The following CLPB variants were observed in gnomAD, a reference collection of about 807,000 sequenced individuals.
The protein encoded by CLPB is mitochondrial disaggregase.
Under a neutral mutation model 78.4 loss-of-function variants are expected in CLPB, and 40 were observed. The ratio of observed to expected loss-of-function variants is 0.51; its 90% CI spans 0.40 to 0.66. CLPB has a LOEUF of 0.66. Ranked by LOEUF, CLPB falls within the 30% of genes least tolerant of loss-of-function variation. The pLI is 0.00. For synonymous variants in CLPB, 333 were observed against 348.0 expected, an observed-to-expected ratio of 0.96 and a Z score of 0.48; for missense variants, 780 against 886.9, an observed-to-expected ratio of 0.88 and a Z score of 1.53.
chr11:72,344,942 C>G (rs527383768), intron 5 of CLPB, among the ~76,000 whole-genome samples: 1 of 152,206 alleles, frequency 6.6e-6, no homozygotes, highest in East Asian at 1.9e-4. Context: ...TGTTCAAGTT[C>G]ACTTATAATA....
In CLPB at chr11:72,432,060, C is replaced by T. The variant is rs750005305; in HGVS notation, c.404-1697G>A. ...CTCTCCACTGCCTACAGAAGAAATT[C>T]CAACACCCTCACCTACCCCACCCCT... is the stretch of plus-strand genomic sequence containing the variant. On this transcript the variant is annotated intron_variant, in intron 1 of 15. Transcript: ENST00000538039. Among the ~76,000 whole-genome samples, 6 of 152,152 alleles carry T rather than the reference C, an allele frequency of 3.9e-5. 1 individual carries two copies. Among genetic ancestry groups the T allele is most frequent in the Non-Finnish European group, 8.8e-5 (6 of 68,034 alleles).
intron 4 of CLPB, among the ~76,000 whole-genome samples, chr11:72,370,349 A>G (rs1951020113): frequency 6.6e-6 from 1 of 152,160 alleles, no homozygotes; most frequent in Admixed American, 6.5e-5. Flanking sequence ...TGGAGGGCTA[A>G]AAGGATGGAA....
intron 5 of CLPB, among the ~76,000 whole-genome samples, chr11:72,343,537 A>G (rs1950458968): frequency 6.6e-6 from 1 of 152,170 alleles, no homozygotes; most frequent in Non-Finnish European, 1.5e-5. Context: ...CAGTTTATGC[A>G]CCTTCTTTTA....
At chr11:72,351,602 G>C (rs921540519) in intron 5 of CLPB, 2 of 151,998 alleles carry the variant, frequency 1.3e-5, no homozygotes, top group African/African-American at 4.8e-5. Context: ...TCGGAGTTTT[G>C]ATCTTCTCGC....
At chr11:72,357,795 G>C (rs1490427682) in intron 5 of CLPB, among the ~76,000 whole-genome samples, 1 of 151,874 alleles carries the variant, frequency 6.6e-6, no homozygotes, top group Non-Finnish European at 1.5e-5. Flanking sequence ...CTAGCCAGCT[G>C]TTGGAGAGGG....
chr11:72,392,163 C>G (rs1855273004), intron 3 of CLPB, among the ~76,000 whole-genome samples: 1 of 152,062 alleles, frequency 6.6e-6, no homozygotes, highest in Non-Finnish European at 1.5e-5. Context: ...CAATGTTGAG[C>G]TTCAGAAGAA....
intron 4 of CLPB, among the ~76,000 whole-genome samples, chr11:72,360,341 C>A (rs1036069013): frequency 6.6e-6 from 1 of 152,160 alleles, no homozygotes; most frequent in African/African-American, 2.4e-5. Flanking sequence ...ATTCCTAAAC[C>A]ATTCTTTTTC....
chr11:72,408,146 C>G, intron 2 of CLPB: 4 of 1,535,558 alleles, frequency 2.6e-6, no homozygotes, highest in Non-Finnish European at 3.5e-6. Flanking sequence ...CAGTGAGACT[C>G]CAGCATTCAG....
intron 5 of CLPB, among the ~76,000 whole-genome samples, chr11:72,355,541 G>A (rs1045926576): frequency 1.5e-4 from 23 of 152,344 alleles, no homozygotes; most frequent in Middle Eastern, 3.4e-3. Context: ...TGCTATCCTT[G>A]TGAAACAGGT....
intron 4 of CLPB, 116 bp downstream of exon 4, chr11:72,380,165 G>A: frequency 1.3e-6 from 1 of 769,306 alleles, no homozygotes; most frequent in Non-Finnish European, 2.2e-6. Context: ...GTCCACAGAG[G>A]TAAAGAACAT....
chr11:72,359,959 C>T (rs755187746), intron 4 of CLPB, among the ~76,000 whole-genome samples: 61 of 152,320 alleles, frequency 4.0e-4, no homozygotes, highest in Admixed American at 5.9e-4. Context: ...TGACTCCACA[C>T]ACCCTGTTTA....
intron 6 of CLPB, among the ~76,000 whole-genome samples, chr11:72,317,936 G>C (rs887400658): frequency 6.6e-6 from 1 of 152,228 alleles, no homozygotes; most frequent in Non-Finnish European, 1.5e-5. Context: ...CACAGAAGAG[G>C]AGACCCGGGC....
rs549355649 is a variant in CLPB at position 72,427,336 on chromosome 11, A to T, written c.455+2976T>A. On this transcript the variant is annotated intron_variant, in intron 2 of 15. Coordinates refer to ENST00000538039, the MANE Select transcript of CLPB (RefSeq NM_001258392.3). ...GTCAAGTGGGGAAGAAGGGTAAAGCACGACATTATTTACGAGGTCTGAGTT... is the reference window on the plus strand; with the variant it reads ...GTCAAGTGGGGAAGAAGGGTAAAGCTCGACATTATTTACGAGGTCTGAGTT... 2.0e-5 allele frequency among the ~76,000 whole-genome samples: 3 copies of T among 152,212 alleles called. No individual in the cohort carries two copies. In the South Asian group the frequency reaches 6.2e-4, roughly 32 times the overall value.
chr11:72,358,625 G>A (rs1043877417), intron 5 of CLPB, among the ~76,000 whole-genome samples: 57 of 152,100 alleles, frequency 3.7e-4, no homozygotes, highest in African/African-American at 1.1e-3. Flanking sequence ...CCACATATAG[G>A]CAGAGAACAC....
intron 5 of CLPB, among the ~76,000 whole-genome samples, chr11:72,353,823 G>A (rs1239810950): frequency 6.6e-6 from 1 of 152,188 alleles, no homozygotes; most frequent in African/African-American, 2.4e-5. Context: ...AGGCACCAAG[G>A]TGGGAACACA....
chr11:72,391,463 G>A (rs1485321524), intron 3 of CLPB, among the ~76,000 whole-genome samples: 1 of 152,152 alleles, frequency 6.6e-6, no homozygotes, highest in Non-Finnish European at 1.5e-5. Flanking sequence ...ATGGGGCAAG[G>A]GCCATGTCTC....
chr11:72,326,266 A>G (rs947930763), intron 6 of CLPB, among the ~76,000 whole-genome samples: 1 of 152,160 alleles, frequency 6.6e-6, no homozygotes, highest in Non-Finnish European at 1.5e-5. Flanking sequence ...AATTCAGCTC[A>G]GTTGTCATCT....
chr11:72,335,802 G>T (rs1022412457), intron 5 of CLPB, among the ~76,000 whole-genome samples: 1 of 152,160 alleles, frequency 6.6e-6, no homozygotes, highest in Non-Finnish European at 1.5e-5. Context: ...TGATTGAACC[G>T]TATTCTCTCC....
chr11:72,421,336 C>T (rs1856191535), intron 2 of CLPB, among the ~76,000 whole-genome samples: 1 of 152,202 alleles, frequency 6.6e-6, no homozygotes, highest in Non-Finnish European at 1.5e-5. Flanking sequence ...CTCCTTAAAA[C>T]CAATCCACGT....
Sources: allele counts gnomAD v4.1 joint callset (sites outside exome capture counted in the v4.1 genomes callset), GRCh38; gene constraint gnomAD v4.1.1; transcripts MANE v1.5; gene names NCBI Gene and HGNC (gene_info 2026-07-23, HGNC 2026-07-21).